Variants in SORCS3 observed in about 807,000 individuals in gnomAD.
SORCS3 encodes sortilin related VPS10 domain containing receptor 3.
Under a neutral mutation model 146.3 loss-of-function variants are expected in SORCS3, and 57 were observed. The observed-to-expected ratio is 0.39, with a 90% CI of 0.31 to 0.49. SORCS3 has a LOEUF of 0.49. SORCS3 is among the 20% of genes least tolerant of loss of function. SORCS3 has a pLI of 0.92. For missense variants in SORCS3, 1,341 were observed against 1,575.5 expected (o/e 0.85, Z 2.52); for synonymous variants, 653 against 618.5 (o/e 1.06, Z -0.83).
intron 1 of SORCS3, among the ~76,000 whole-genome samples, chr10:104,726,187 G>C (rs558093699): frequency 6.6e-6 from 1 of 152,290 alleles, no homozygotes; most frequent in Non-Finnish European, 1.5e-5. Context: ...CCTTATCCAA[G>C]TGTTCAGTGG....
intron 4 of SORCS3, among the ~76,000 whole-genome samples, chr10:105,019,310 TATGTC>T (rs2055185727): frequency 6.6e-6 from 1 of 152,220 alleles, no homozygotes; most frequent in African/African-American, 2.4e-5. Context: ...TATCGTATAG[TATGTC>T]ATTCCACATA....
At position 104,858,870 on chromosome 10, in the gene SORCS3, C is replaced by T. The variant is rs572078705; in HGVS notation, c.695+16011C>T. The stretch of plus-strand genomic sequence containing the variant: ...TCTCCTGACCTCGTGATCCGCCCCC[C>T]TCAGCCTCCCAAAGTGCTGGGATTA... On this transcript the variant is annotated intron_variant, in intron 2 of 26. Transcript: ENST00000369701. 2.9e-4 allele frequency among the ~76,000 whole-genome samples: 44 copies of T among 150,936 alleles called. No homozygotes were observed. The South Asian group carries it at 8.8e-3, about 30-fold the overall frequency.
chr10:104,667,160 A>G (rs2015790110), intron 1 of SORCS3, among the ~76,000 whole-genome samples: 1 of 152,178 alleles, frequency 6.6e-6, no homozygotes, highest in Admixed American at 6.5e-5. Flanking sequence ...TTATGTTTGT[A>G]TGTTATTAAA....
chr10:104,678,855 T>C (rs1418084395), intron 1 of SORCS3, among the ~76,000 whole-genome samples: 1 of 152,202 alleles, frequency 6.6e-6, no homozygotes, highest in East Asian at 1.9e-4. Context: ...GTTCAGCTCT[T>C]GGAGCCCAAG....
Position 105,001,558 on chromosome 10 carries a change from G to A in SORCS3, c.954+24065G>A, listed in dbSNP as rs75208046. On this transcript the variant is annotated intron_variant, in intron 4 of 26. Transcript: ENST00000369701. ...TTATCCAAAACATTTCCTTGAAATA[G>A]CACTTTCCATTGCAAAACTTATGCA... Among the ~76,000 whole-genome samples the A allele has an allele frequency of 9.1e-3, 1,389 of 152,268 alleles. 26 individuals are homozygous for A. Among genetic ancestry groups the A allele is most frequent in the African/African-American group, 0.032 (1,315 of 41,550 alleles).
intron 3 of SORCS3, among the ~76,000 whole-genome samples, chr10:104,960,304 C>G (rs559931545): frequency 6.6e-6 from 1 of 152,236 alleles, no homozygotes; most frequent in African/African-American, 2.4e-5. Context: ...ATAATCCTCC[C>G]CAGATATCTA....
chr10:104,838,675 G>A (rs763652599), intron 1 of SORCS3, among the ~76,000 whole-genome samples: 22 of 152,288 alleles, frequency 1.4e-4, no homozygotes, highest in Admixed American at 3.3e-4. Context: ...TCAATGTAAA[G>A]GAAGCAGTGT....
At chr10:105,067,770 G>C (rs1318989138) in intron 5 of SORCS3, among the ~76,000 whole-genome samples, 3 of 152,048 alleles carry the variant, frequency 2.0e-5, no homozygotes, top group Non-Finnish European at 4.4e-5. Context: ...CTTGACTTCA[G>C]CAGATGTTAA....
Position 104,842,806 on chromosome 10 carries a change from G to T in SORCS3, c.642G>T (p.Leu214=), listed in dbSNP as rs372994533. ...SGHNSSVILI[L]TKLYDFNLGS... ...ACCCCTTGCAGGTCATACTTATCCT[G>T]ACGAAGCTGTATGACTTCAACCTGG... is the stretch of plus-strand genomic sequence containing the variant. Residue 214 remains leucine, a synonymous_variant, in exon 2 of 27, where the codon CTG becomes CTT. Transcript: ENST00000369701. 2 of 1,613,582 alleles carry T rather than the reference G, an allele frequency of 1.2e-6. No individual in the cohort carries two copies. Among genetic ancestry groups the T allele is most frequent in the African/African-American group, 1.3e-5 (1 of 74,822 alleles).
chr10:104,982,224 A>G (rs1225490789), intron 4 of SORCS3, among the ~76,000 whole-genome samples: 1 of 152,166 alleles, frequency 6.6e-6, no homozygotes, highest in Admixed American at 6.6e-5. Flanking sequence ...GGCTTTGCCA[A>G]TTGGACTGTA....
At position 105,112,316 on chromosome 10, in the gene SORCS3, G is replaced by A. The variant is rs2055863986; in HGVS notation, c.1212+6801G>A. Among the ~76,000 whole-genome samples the A allele has an allele frequency of 2.0e-5, 3 of 152,030 alleles. No individual in the cohort carries two copies. The South Asian group carries it at 6.2e-4, about 32-fold the overall frequency. On this transcript the variant is annotated intron_variant, in intron 7 of 26. Coordinates refer to ENST00000369701, the MANE Select transcript of SORCS3 (RefSeq NM_014978.3). ...GTGTCATTTAAAAATCTTTTTTGGG[G>A]TGGGGGGTATAAGTTTTGAAAATTG... is the stretch of plus-strand genomic sequence containing the variant.
At chr10:104,999,632 G>A (rs1049735337) in intron 4 of SORCS3, among the ~76,000 whole-genome samples, 4 of 128,770 alleles carry the variant, frequency 3.1e-5, no homozygotes, top group African/African-American at 1.2e-4. Flanking sequence ...TGCTCCACAG[G>A]ATCTCTTCTG....
At chr10:104,690,158 G>A (rs187873328) in intron 1 of SORCS3, among the ~76,000 whole-genome samples, 79 of 152,270 alleles carry the variant, frequency 5.2e-4, no homozygotes, top group Admixed American at 5.2e-3. Flanking sequence ...CTGGGAAGCT[G>A]GGAGACTCCC....
At chr10:104,724,232 T>C (rs796685382) in intron 1 of SORCS3, among the ~76,000 whole-genome samples, 1 of 152,204 alleles carries the variant, frequency 6.6e-6, no homozygotes, top group Non-Finnish European at 1.5e-5. Flanking sequence ...CCTTCACTTA[T>C]GAAGCTTAGT....
intron 2 of SORCS3, among the ~76,000 whole-genome samples, chr10:104,890,347 G>A (rs1490177): frequency 0.49 from 73,461 of 151,086 alleles, 21,045 homozygotes; most frequent in African/African-American, 0.81. Context: ...TTTTTCCTCA[G>A]TTTTTTTTTG....
At chr10:105,006,695 C>T (rs2055098265) in intron 4 of SORCS3, among the ~76,000 whole-genome samples, 1 of 152,206 alleles carries the variant, frequency 6.6e-6, no homozygotes, top group Non-Finnish European at 1.5e-5. Flanking sequence ...TTCCAGTTGA[C>T]AAACACAGTC....
intron 1 of SORCS3, among the ~76,000 whole-genome samples, chr10:104,746,951 A>C (rs1182187875): frequency 6.6e-6 from 1 of 152,222 alleles, no homozygotes; most frequent in Non-Finnish European, 1.5e-5. Flanking sequence ...ATGAGAAACA[A>C]GTATTAAAAT....
rs182081527 is a variant in SORCS3, at chr10:104,844,363, A to G, written c.695+1504A>G. 3.0e-3 allele frequency among the ~76,000 whole-genome samples: 452 copies of G among 152,224 alleles called. 2 individuals carry two copies. Among genetic ancestry groups the G allele is most frequent in the South Asian group, 0.019 (91 of 4,818 alleles). ...ATCATGAAACAAGCCAGAAAATTCT[A>G]TCTTTATATTGAAGAACAGCTATTC... On this transcript the variant is annotated intron_variant, in intron 2 of 26. Coordinates refer to ENST00000369701, the MANE Select transcript of SORCS3 (RefSeq NM_014978.3).
At chr10:104,927,659 A>ACTAG (rs202152682) in intron 3 of SORCS3, among the ~76,000 whole-genome samples, 2,516 of 152,298 alleles carry the variant, frequency 0.017, 30 homozygotes, top group Admixed American at 0.033. Context: ...CAGGTGGATC[A>ACTAG]CCTGAGGTCA....
Sources: gnomAD v4.1 joint callset for allele counts (sites outside exome capture counted in the v4.1 genomes callset) on GRCh38, gnomAD v4.1.1 for gene constraint, MANE v1.5 for transcripts, NCBI Gene and HGNC (gene_info 2026-07-23, HGNC 2026-07-21) for gene names.